NEU2: variants seen among roughly 807,000 people sequenced by gnomAD.
NEU2 encodes sialidase-2.
Under a neutral mutation model 6.3 loss-of-function variants are expected in NEU2, and 7 were observed. The ratio of observed to expected loss-of-function variants is 1.12; its 90% CI spans 0.63 to 2.10. The LOEUF is 2.10. Ranked by LOEUF, NEU2 falls within the 30% of genes most tolerant of loss-of-function variation. The probability of loss-of-function intolerance (pLI) is 0.00; values close to 1 mark genes in which losing one functional copy is unlikely to be tolerated. For synonymous variants in NEU2, 208 were observed against 223.3 expected (o/e 0.93, Z 0.61); for missense variants, 509 against 504.0 (o/e 1.01, Z -0.09).
At chr2:233,033,024 C>G in intron 1 of NEU2, 152 bp downstream of exon 1, 1 of 841,032 alleles carries the variant, frequency 1.2e-6, no homozygotes, top group Non-Finnish European at 1.8e-6. Flanking sequence ...AGAGAAAGTG[C>G]CCCTAATGGT....
At position 233,034,922 on chromosome 2, in the gene NEU2, C is replaced by T. The variant is rs1167857780; in HGVS notation, c.1008C>T (p.Asp336=). The change falls in exon 2 of 2, where the codon GAC becomes GAT. Residue 336 remains aspartate (D), a synonymous_variant. Coordinates refer to ENST00000233840, the MANE Select transcript of NEU2 (RefSeq NM_005383.2). This position sits in a 1 kb window ranked among gnomAD's most constrained non-coding sequence, Gnocchi z 4.8. ...LLAKGSCAYS[D]LQSMGTGPDG... ...CCAAGGGCAGCTGTGCCTACTCAGACCTCCAGAGCATGGGCACCGGCCCTG... is the reference window on the plus strand; with the variant it reads ...CCAAGGGCAGCTGTGCCTACTCAGATCTCCAGAGCATGGGCACCGGCCCTG... 2.5e-6 allele frequency: 4 copies of T among 1,614,166 alleles called. No homozygotes were observed. The highest frequency in any genetic ancestry group is 1.1e-5 in the South Asian group (1 of 91,088).
intron 1 of NEU2, among the ~76,000 whole-genome samples, chr2:233,033,480 C>T (rs1018817836): frequency 6.6e-6 from 1 of 152,164 alleles, no homozygotes; most frequent in Non-Finnish European, 1.5e-5. Context: ...AACACCTGTT[C>T]CCTGGGGATT....
chr2:233,032,704 C>G lies in NEU2; in HGVS notation c.33C>G (p.Ser11Arg). ...CCCTTCCTGTCCTGCAGAAGGAGAGCGTGTTCCAGTCGGGAGCCCATGCCT... is the reference window on the plus strand; with the variant it reads ...CCCTTCCTGTCCTGCAGAAGGAGAGGGTGTTCCAGTCGGGAGCCCATGCCT... MASLPVLQKE[S>R]VFQSGAHAYR... Residue 11 changes from serine (S) to arginine (R), a missense_variant, in exon 1 of 2, where the codon AGC becomes AGG. Ser to Arg is a moderately radical substitution (Grantham distance 110). Coordinates refer to ENST00000233840, the MANE Select transcript of NEU2 (RefSeq NM_005383.2). 1 of 1,614,224 alleles carries G rather than the reference C, an allele frequency of 6.2e-7. No individual in the cohort carries two copies. Among genetic ancestry groups the G allele is most frequent in the Non-Finnish European group, 8.5e-7 (1 of 1,180,048 alleles).
rs866133557 is a variant in NEU2 at position 233,035,012 on chromosome 2, G to A, written c.1098G>A (p.Met366Ile). ...ANDYEEIVFL[M>I]FTLKQAFPAE... ...ATTACGAGGAGATTGTCTTTCTCAT[G>A]TTCACCCTGAAGCAAGCCTTCCCAG... Residue 366 changes from methionine (M) to isoleucine (I), a missense_variant, in exon 2 of 2, where the codon ATG (methionine) becomes ATA (isoleucine). Physicochemically the swap from Met to Ile is conservative, Grantham distance 10. Coordinates refer to ENST00000233840, the MANE Select transcript of NEU2 (RefSeq NM_005383.2). 40 of 1,612,802 alleles carry A rather than the reference G, an allele frequency of 2.5e-5. 1 individual carries two copies. The Middle Eastern group carries it at 5.9e-3, about 240-fold the overall frequency.
chr2:233,033,981 G>T, intron 1 of NEU2, 135 bp from the exon 2 acceptor site: 1 of 794,276 alleles, frequency 1.3e-6, no homozygotes, highest in South Asian at 1.7e-5. Context: ...TGAGTGTTGG[G>T]TGAAGAGTTC....
chr2:233,033,610 G>A (rs772131651), intron 1 of NEU2, among the ~76,000 whole-genome samples: 73 of 152,328 alleles, frequency 4.8e-4, no homozygotes, highest in Middle Eastern at 6.8e-3. Flanking sequence ...TAGACTTGGG[G>A]ATTCTGGAAG....
At position 233,034,362 on chromosome 2, in the gene NEU2, G is replaced by C. The variant is rs369918752; in HGVS notation, c.448G>C (p.Ala150Pro). ...CCTCACTGATGCGGCCATCGGCCCA[G>C]CCTACCGGGAGTGGTCCACCTTTGC... is the stretch of plus-strand genomic sequence containing the variant. ...RDLTDAAIGP[A>P]YREWSTFAVG... Residue 150 changes from alanine (A) to proline (P), a missense_variant, in exon 2 of 2, where the codon GCC becomes CCC. Physicochemically the swap from Ala to Pro is conservative, Grantham distance 27. Transcript: ENST00000233840. The surrounding 1 kb of genome is among the most constrained non-coding windows in gnomAD (Gnocchi z 4.8). 5.6e-6 allele frequency: 9 copies of C among 1,613,942 alleles called. No individual in the cohort carries two copies. In the African/African-American group the frequency reaches 1.2e-4, roughly 22 times the overall value.
chr2:233,034,658 C>A lies in NEU2; in HGVS notation c.744C>A (p.Ser248Arg), dbSNP rs146215162. Residue 248 changes from serine (S) to arginine (R), a missense_variant, in exon 2 of 2, where the codon AGC becomes AGA. Coordinates refer to ENST00000233840, the MANE Select transcript of NEU2 (RefSeq NM_005383.2). This position sits in a 1 kb window ranked among gnomAD's most constrained non-coding sequence, Gnocchi z 4.8. ...SHLRARVQAQ[S>R]TNDGLDFQES... is the part of the protein sequence containing the mutation. The stretch of plus-strand genomic sequence containing the variant: ...TCCGAGCCAGGGTCCAGGCCCAGAG[C>A]ACCAATGACGGGCTTGATTTCCAGG... 155 of 1,582,602 alleles carry A rather than the reference C, an allele frequency of 9.8e-5. No individual in the cohort carries two copies. Among genetic ancestry groups the A allele is most frequent in the Non-Finnish European group, 1.3e-4 (152 of 1,161,730 alleles).
At position 233,034,476 on chromosome 2, in the gene NEU2, C is replaced by G. The variant is rs1266460532; in HGVS notation, c.562C>G (p.Gln188Glu). 1 of 1,614,200 alleles carries G rather than the reference C, an allele frequency of 6.2e-7. No homozygotes were observed. Residue 188 changes from glutamine (Q) to glutamate (E), a missense_variant, in exon 2 of 2, where the codon CAA becomes GAA. Transcript: ENST00000233840. This position sits in a 1 kb window ranked among gnomAD's most constrained non-coding sequence, Gnocchi z 4.8. The stretch of plus-strand genomic sequence containing the variant: ...CGCCTACCGGAAACTTCACCCCATC[C>G]AAAGGCCGATCCCCTCTGCCTTCTG... Reference protein sequence around the residue: ...AYAYRKLHPIQRPIPSAFCFL... With the variant: ...AYAYRKLHPIERPIPSAFCFL...
rs765542545 is a variant in NEU2 at position 233,034,311 on chromosome 2, G to A, written c.397G>A (p.Gly133Arg). 9 of 1,614,004 alleles carry A rather than the reference G, an allele frequency of 5.6e-6. No individual in the cohort carries two copies. Among genetic ancestry groups the A allele is most frequent in the East Asian group, 4.5e-5 (2 of 44,892 alleles). ...GTGCCAAGTCACCAGCACTGACCAC[G>A]GGAGGACCTGGAGCTCCCCCAGAGA... ...RLCQVTSTDH[G>R]RTWSSPRDLT... is the part of the protein sequence containing the mutation. Residue 133 changes from glycine to arginine, a missense_variant, in exon 2 of 2, where the codon GGG (glycine) becomes AGG (arginine). Coordinates refer to ENST00000233840, the MANE Select transcript of NEU2 (RefSeq NM_005383.2). This position sits in a 1 kb window ranked among gnomAD's most constrained non-coding sequence, Gnocchi z 4.8.
Position 233,034,610 on chromosome 2 carries a change from G to C in NEU2, c.696G>C (p.Val232=). The C allele has an allele frequency of 6.2e-6, 10 of 1,611,918 alleles. No individual in the cohort carries two copies. The highest frequency in any genetic ancestry group is 8.5e-6 in the Non-Finnish European group (10 of 1,178,570). ...TCGAGACTGGGGAGCAGAGGGTGGT[G>C]ACCCTCAACGCGAGAAGCCACCTCC... The part of the protein sequence containing the change: ...AEVETGEQRV[V]TLNARSHLRA... The change falls in exon 2 of 2, where the codon GTG becomes GTC. Residue 232 remains valine, a synonymous_variant. Transcript: ENST00000233840. The surrounding 1 kb of genome is among the most constrained non-coding windows in gnomAD (Gnocchi z 4.8).
rs976737188 is a variant in NEU2, at chr2:233,035,009, C to G, written c.1095C>G (p.Leu365=). 2 of 1,612,950 alleles carry G rather than the reference C, an allele frequency of 1.2e-6. No homozygotes were observed. Among genetic ancestry groups the G allele is most frequent in the Admixed American group, 3.3e-5 (2 of 59,934 alleles). ...ATGATTACGAGGAGATTGTCTTTCT[C>G]ATGTTCACCCTGAAGCAAGCCTTCC... ...EANDYEEIVF[L]MFTLKQAFPA... is the part of the protein sequence containing the mutation. Residue 365 remains leucine (L), a synonymous_variant, in exon 2 of 2, where the codon CTC becomes CTG. Transcript: ENST00000233840.
Position 233,034,918 on chromosome 2 carries a change from C to G in NEU2, c.1004C>G (p.Ser335Ter), listed in dbSNP as rs775270242. The change falls in exon 2 of 2, where the codon TCA becomes TGA. Residue 335 changes from serine (S) to a stop codon, truncating the protein, a stop_gained. Coordinates refer to ENST00000233840, the MANE Select transcript of NEU2 (RefSeq NM_005383.2). LOFTEE classifies it low-confidence loss of function (END_TRUNC). This position sits in a 1 kb window ranked among gnomAD's most constrained non-coding sequence, Gnocchi z 4.8. ...VLLAKGSCAYSDLQSMGTGPD... is the reference protein window; with the variant it reads ...VLLAKGSCAY ...CTGGCCAAGGGCAGCTGTGCCTACT[C>G]AGACCTCCAGAGCATGGGCACCGGC... is the stretch of plus-strand genomic sequence containing the variant. 2.4e-5 allele frequency: 38 copies of G among 1,614,046 alleles called. No individual in the cohort carries two copies. In the South Asian group the frequency reaches 3.8e-4, roughly 16 times the overall value.
intron 1 of NEU2, among the ~76,000 whole-genome samples, 187 bp from the exon 2 acceptor site, chr2:233,033,929 C>T (rs762606221): frequency 3.3e-5 from 5 of 152,094 alleles, no homozygotes; most frequent in Non-Finnish European, 7.4e-5. Flanking sequence ...TGAGGTGGCA[C>T]CCTGGGCCCC....
chr2:233,033,124 T>C (rs1345340857), intron 1 of NEU2, among the ~76,000 whole-genome samples: 1 of 152,210 alleles, frequency 6.6e-6, no homozygotes, highest in Non-Finnish European at 1.5e-5. Flanking sequence ...GCATCCGTGA[T>C]GACCTCACGG....
At position 233,034,438 on chromosome 2, in the gene NEU2, T is replaced by C. The variant is rs768865718; in HGVS notation, c.524T>C (p.Val175Ala). The C allele has an allele frequency of 7.4e-6, 12 of 1,613,814 alleles. No homozygotes were observed. In the African/African-American group the frequency reaches 1.6e-4, roughly 22 times the overall value. Reference protein sequence around the residue: ...LQLHDRARSLVVPAYAYRKLH... With the variant: ...LQLHDRARSLAVPAYAYRKLH... ...CTTCACGACAGGGCCCGGAGCCTGG[T>C]GGTGCCCGCCTACGCCTACCGGAAA... The change falls in exon 2 of 2, where the codon GTG (valine) becomes GCG (alanine). Residue 175 changes from valine (V) to alanine (A), a missense_variant. Transcript: ENST00000233840. This position sits in a 1 kb window ranked among gnomAD's most constrained non-coding sequence, Gnocchi z 4.8.
rs1369203443 is a variant in NEU2 at position 233,034,325 on chromosome 2, C to T, written c.411C>T (p.Ser137=). Residue 137 remains serine, a synonymous_variant, in exon 2 of 2, where the codon AGC becomes AGT. Transcript: ENST00000233840. The surrounding 1 kb of genome is among the most constrained non-coding windows in gnomAD (Gnocchi z 4.8). ...GCACTGACCACGGGAGGACCTGGAG[C>T]TCCCCCAGAGACCTCACTGATGCGG... ...VTSTDHGRTW[S]SPRDLTDAAI... The T allele has an allele frequency of 6.2e-7, 1 of 1,613,988 alleles. No individual in the cohort carries two copies. The highest frequency in any genetic ancestry group is 8.5e-7 in the Non-Finnish European group (1 of 1,180,012).
chr2:233,034,310 C>T lies in NEU2; in HGVS notation c.396C>T (p.His132=), dbSNP rs759851262. ...TGTGCCAAGTCACCAGCACTGACCA[C>T]GGGAGGACCTGGAGCTCCCCCAGAG... ...TRLCQVTSTD[H]GRTWSSPRDL... is the part of the protein sequence containing the mutation. The change falls in exon 2 of 2, where the codon CAC becomes CAT. Residue 132 remains histidine, a synonymous_variant. Transcript: ENST00000233840. This position sits in a 1 kb window ranked among gnomAD's most constrained non-coding sequence, Gnocchi z 4.8. The T allele has an allele frequency of 6.2e-6, 10 of 1,614,140 alleles. No homozygotes were observed. Among genetic ancestry groups the T allele is most frequent in the Middle Eastern group, 1.6e-4 (1 of 6,062 alleles).
In NEU2 at chr2:233,033,694, G is replaced by A. The variant is rs182794053; in HGVS notation, c.202-422G>A. 3.8e-3 allele frequency among the ~76,000 whole-genome samples: 582 copies of A among 152,264 alleles called. 3 individuals carry two copies. The highest frequency in any genetic ancestry group is 0.013 in the African/African-American group (556 of 41,548). ...AGGTGAGAGGTGACCGTCACATTCT[G>A]TCTTGTACTGGTCAGGTTATTGCAC... On this transcript the variant is annotated intron_variant, in intron 1 of 1. Transcript: ENST00000233840.
Sources: allele counts gnomAD v4.1 joint callset (sites outside exome capture counted in the v4.1 genomes callset), GRCh38; gene constraint gnomAD v4.1.1; non-coding constraint Gnocchi (gnomAD v3.1); transcripts MANE v1.5; gene names NCBI Gene and HGNC (gene_info 2026-07-23, HGNC 2026-07-21).